The following PROSER3 variants were observed in gnomAD, a reference collection of about 807,000 sequenced individuals.
PROSER3 encodes proline and serine-rich protein 3.
PROSER3 carries 33 observed loss-of-function variants against 50.2 expected under a neutral mutation model. The observed-to-expected ratio is 0.66, with a 90% CI of 0.50 to 0.88. PROSER3 has a LOEUF of 0.88. Ranked by LOEUF, PROSER3 falls within the 40% of genes least tolerant of loss-of-function variation. The pLI is 0.00. For missense variants in PROSER3, 623 were observed against 612.7 expected (o/e 1.02, Z -0.18); for synonymous variants, 266 against 259.3 (o/e 1.03, Z -0.25).
At chr19:35,764,862 C>A (rs759610005) in exon 6 of PROSER3, 3 of 1,613,482 alleles carry the variant, frequency 1.9e-6, no homozygotes, top group East Asian at 2.2e-5. Context: ...AGAACCTCCA[C>A]ACATGGAACT....
At chr19:35,765,392 G>A (rs1971110324) in intron 7 of PROSER3, among the ~76,000 whole-genome samples, 1 of 152,138 alleles carries the variant, frequency 6.6e-6, no homozygotes, top group South Asian at 2.1e-4. Flanking sequence ...GCGAAACCCG[G>A]TATCTACTAA....
chr19:35,768,556 TTC>T, exon 11 of PROSER3: 1 of 1,561,898 alleles, frequency 6.4e-7, no homozygotes, highest in Non-Finnish European at 8.6e-7. Flanking sequence ...ATTGTACAGA[TTC>T]TATTTTACCC....
chr19:35,768,228 G>A (rs1429888674), exon 10 of PROSER3: 1 of 1,612,000 alleles, frequency 6.2e-7, no homozygotes, highest in Non-Finnish European at 8.5e-7. Flanking sequence ...AGCTGAGTCG[G>A]CAGAAAAGGT....
rs544192999 is a variant in PROSER3 at position 35,767,346 on chromosome 19, C to T, written c.957+391C>T. On this transcript the variant is annotated intron_variant, in intron 8 of 10. Transcript: ENST00000396908. Reference sequence around the variant, plus strand: ...CATCTGGGCTCTACCCTCGCGCCCCCGGCTTCCCTGGCCTCCACCCTCGAA... The same window carrying T: ...CATCTGGGCTCTACCCTCGCGCCCCTGGCTTCCCTGGCCTCCACCCTCGAA... 6.6e-5 allele frequency: 18 copies of T among 271,188 alleles called. No homozygotes were observed. In the South Asian group the frequency reaches 7.8e-4, roughly 12 times the overall value. 16.8% of individuals were successfully genotyped at this position (271,188 alleles called of 1,614,324 possible).
intron 7 of PROSER3, among the ~76,000 whole-genome samples, chr19:35,765,896 T>C (rs1174309250): frequency 6.6e-6 from 1 of 152,078 alleles, no homozygotes; most frequent in African/African-American, 2.4e-5. Flanking sequence ...ATCTGATGGA[T>C]GTGAGAGAAT....
intron 5 of PROSER3, chr19:35,762,753 C>G (rs1189848367): frequency 6.9e-6 from 1 of 145,776 alleles, no homozygotes; most frequent in African/African-American, 2.6e-5. Flanking sequence ...AAAAAAAAAG[C>G]CTGGGCACCG....
downstream of PROSER3, chr19:35,770,764 T>G (rs1971300237): frequency 6.6e-6 from 1 of 150,718 alleles, no homozygotes; most frequent in Admixed American, 6.6e-5. Context: ...TAATCCCAGC[T>G]ACTCAGGAGG....
downstream of PROSER3, among the ~76,000 whole-genome samples, chr19:35,770,576 G>A (rs1185575049): frequency 1.3e-5 from 2 of 152,126 alleles, no homozygotes; most frequent in Non-Finnish European, 2.9e-5. Flanking sequence ...CTAAAGTGCA[G>A]TTAGAAAAGA....
intron 8 of PROSER3, chr19:35,767,754 C>A: frequency 6.4e-7 from 1 of 1,571,116 alleles, no homozygotes; most frequent in Non-Finnish European, 8.6e-7. Context: ...GCCACACAAC[C>A]CCAAACCAAG....
chr19:35,758,592 C>T, intron 1 of PROSER3: 1 of 281,332 alleles, frequency 3.6e-6, no homozygotes, highest in Non-Finnish European at 6.6e-6. Context: ...GCTTGTAGTC[C>T]ATCTACCCTT....
Position 35,762,533 on chromosome 19 carries a change from A to C in PROSER3, c.543+177A>C, listed in dbSNP as rs549482744. The C allele has an allele frequency of 7.5e-5, 31 of 411,754 alleles. No individual in the cohort carries two copies. In the South Asian group the frequency reaches 1.2e-3, roughly 16 times the overall value. The allele number at this position is 411,754 out of a possible 1,614,324, so 25.5% of individuals were successfully genotyped here. A position where few individuals can be genotyped will look rare whatever the true frequency, so the allele number is the denominator to read the frequency against. On this transcript the variant is annotated intron_variant, in intron 5 of 10. Transcript: ENST00000396908. ...AGACCAGCTTGGGTGACATGGTGAG[A>C]TTCTGCCTCTACTAAAAAAAAAAAA... is the stretch of plus-strand genomic sequence containing the variant.
intron 1 of PROSER3, chr19:35,759,093 C>T (rs1970866558): frequency 2.7e-6 from 1 of 365,300 alleles, no homozygotes; most frequent in Non-Finnish European, 5.0e-6. Flanking sequence ...GAACCGCGCG[C>T]CTGTAACGTT....
In PROSER3 at chr19:35,763,811, T is replaced by C. The variant is rs572298010; in HGVS notation, c.544-1043T>C. Reference sequence around the variant, plus strand: ...ATGAGCCACCGCGCCCGGCCTTCTTTTTTTTTTTTTTTAATTAGATAGGGT... The same window carrying C: ...ATGAGCCACCGCGCCCGGCCTTCTTCTTTTTTTTTTTTAATTAGATAGGGT... On this transcript the variant is annotated intron_variant, in intron 5 of 10. Coordinates refer to ENST00000396908, the Ensembl canonical transcript of PROSER3. 2.6e-4 allele frequency among the ~76,000 whole-genome samples: 38 copies of C among 145,762 alleles called. 1 individual carries two copies. In the East Asian group the frequency reaches 5.1e-3, roughly 20 times the overall value.
chr19:35,770,833 AAG>A (rs1555744555), downstream of PROSER3: 1 of 151,676 alleles, frequency 6.6e-6, no homozygotes, highest in Non-Finnish European at 1.5e-5. Context: ...AAAAAAAAAA[AAG>A]ATAATTTCTC....
downstream of PROSER3, among the ~76,000 whole-genome samples, chr19:35,770,218 A>G (rs961421583): frequency 1.3e-5 from 2 of 151,842 alleles, no homozygotes; most frequent in Non-Finnish European, 2.9e-5. Context: ...TTGTATTTTT[A>G]GTAGAGACGA....
downstream of PROSER3, chr19:35,769,694 C>T (rs1480719923): frequency 6.6e-6 from 1 of 152,258 alleles, no homozygotes; most frequent in East Asian, 1.9e-4. Context: ...TCCCTTCCAC[C>T]CACAGTTAAC....
intron 1 of PROSER3, 128 bp downstream of exon 1, chr19:35,758,354 C>T: frequency 2.4e-6 from 3 of 1,268,996 alleles, no homozygotes; most frequent in Non-Finnish European, 3.1e-6. Flanking sequence ...AACTACAATT[C>T]CCAACATGCT....
intron 7 of PROSER3, 95 bp downstream of exon 7, chr19:35,765,271 G>T (rs183176244): frequency 1.9e-5 from 27 of 1,404,190 alleles, no homozygotes; most frequent in Middle Eastern, 1.9e-4. Flanking sequence ...TCTGGGCCTT[G>T]TTTCTCCAGC....
rs574650122 is a variant in PROSER3, at chr19:35,765,252, T to C, written c.769+76T>C. On this transcript the variant is annotated intron_variant, in intron 7 of 10. Transcript: ENST00000396908. ...TCTGCCACTGACCAGCTATGGGACT[T>C]TGGGCCTCTCTGGGCCTTGTTTCTC... is the stretch of plus-strand genomic sequence containing the variant. The C allele has an allele frequency of 4.5e-5, 68 of 1,504,518 alleles. No homozygotes were observed. The African/African-American group carries it at 9.2e-4, about 20-fold the overall frequency. The allele number at this position is 1,504,518 out of a possible 1,614,324, so 93.2% of individuals were successfully genotyped here.
Sources: allele counts gnomAD v4.1 joint callset (sites outside exome capture counted in the v4.1 genomes callset), GRCh38; gene constraint gnomAD v4.1.1; transcripts MANE v1.5; gene names NCBI Gene and HGNC (gene_info 2026-07-23, HGNC 2026-07-21).